PZP: variants seen among roughly 807,000 people sequenced by gnomAD.
PZP encodes pregnancy zone protein.
Under a neutral mutation model 179.8 loss-of-function variants are expected in PZP, and 150 were observed. The observed-to-expected ratio is 0.83, with a 90% CI of 0.73 to 0.96. PZP has a LOEUF of 0.96. PZP is among the 40% of genes least tolerant of loss of function. The pLI is 0.00. For synonymous variants in PZP, 624 were observed against 652.3 expected (o/e 0.96, Z 0.66); for missense variants, 1,689 against 1,764.0 (o/e 0.96, Z 0.76).
At chr12:9,169,017 G>A (rs766385008) in intron 16 of PZP, 43 bp from the exon 17 acceptor site, 30 of 1,395,366 alleles carry the variant, frequency 2.1e-5, no homozygotes, top group Non-Finnish European at 3.1e-5. Context: ...AGCTTGATTA[G>A]AATATATAAA....
chr12:9,185,996 T>C (rs930179227), intron 13 of PZP, among the ~76,000 whole-genome samples: 10 of 151,762 alleles, frequency 6.6e-5, no homozygotes, highest in East Asian at 1.9e-4. Flanking sequence ...TTAGTAGAGA[T>C]GGGGTTTCAC....
intron 21 of PZP, among the ~76,000 whole-genome samples, chr12:9,163,187 C>A (rs1053565311): frequency 6.6e-6 from 1 of 151,078 alleles, no homozygotes; most frequent in Non-Finnish European, 1.5e-5. Context: ...CAAGAAATTG[C>A]GCTCAATGTA....
chr12:9,203,899 C>G lies in PZP; in HGVS notation c.136G>C (p.Gly46Arg). ...TTCAGGTGGCTCAGAAGGACACAGC[C>G]CTTCTTAGGGGCCTCAGTGTGGAGC... ...SLLHTEAPKK[G>R]CVLLSHLNET... Residue 46 changes from glycine (G) to arginine (R), a missense_variant, in exon 2 of 36, where the codon GGC becomes CGC. Gly to Arg is a moderately radical substitution (Grantham distance 125). This residue lies in a region of PZP where 742 missense variants were observed against 730.5 expected (regional missense o/e 1.02). Coordinates refer to ENST00000261336, the MANE Select transcript of PZP (RefSeq NM_002864.3). 1 of 1,614,092 alleles carries G rather than the reference C, an allele frequency of 6.2e-7. No individual in the cohort carries two copies. Among genetic ancestry groups the G allele is most frequent in the South Asian group, 1.1e-5 (1 of 91,078 alleles).
At chr12:9,200,237 T>A in intron 7 of PZP, 127 bp downstream of exon 7, 1 of 540,744 alleles carries the variant, frequency 1.8e-6, no homozygotes, top group South Asian at 3.5e-5. Context: ...AGTCGTTAAA[T>A]AAAGAGAAGT....
downstream of PZP, among the ~76,000 whole-genome samples, chr12:9,144,743 G>T (rs1420336759): frequency 6.6e-6 from 1 of 152,140 alleles, no homozygotes; most frequent in East Asian, 1.9e-4. Flanking sequence ...GAATGTCTCT[G>T]GTCAGAGGGA....
chr12:9,187,830 C>T (rs752699150), intron 13 of PZP, among the ~76,000 whole-genome samples: 6 of 152,320 alleles, frequency 3.9e-5, no homozygotes, highest in South Asian at 2.1e-4. Context: ...ACTTGCTCTT[C>T]GGAACCTGAA....
chr12:9,202,500 C>T (rs1944222809), intron 3 of PZP, 25 bp downstream of exon 3: 4 of 1,613,424 alleles, frequency 2.5e-6, no homozygotes, highest in Non-Finnish European at 3.4e-6. Context: ...AGTGTTGCCC[C>T]AAACAGTGGA....
chr12:9,194,031 T>C, intron 11 of PZP, 46 bp downstream of exon 11: 1 of 1,544,374 alleles, frequency 6.5e-7, no homozygotes, highest in Non-Finnish European at 8.9e-7. Flanking sequence ...ATATCACTGT[T>C]CCTAACATTT....
In PZP at chr12:9,192,591, T is replaced by TGGCCACAGGGCAGGGTACC; in HGVS notation, c.1384_1402dup (p.His468ArgfsTer19). On this transcript the variant is annotated frameshift_variant, in exon 12 of 36. Transcript: ENST00000261336. LOFTEE classifies it high-confidence loss of function. ...ATAGTGTGCCGTGATAGTCTCCGTG[T>TGGCCACAGGGCAGGGTACC]GGCCACAGGGCAGGGTACCAGCCAC... The TGGCCACAGGGCAGGGTACC allele has an allele frequency of 6.2e-7, 1 of 1,614,232 alleles. No individual in the cohort carries two copies. Among genetic ancestry groups the TGGCCACAGGGCAGGGTACC allele is most frequent in the East Asian group, 2.2e-5 (1 of 44,888 alleles).
intron 27 of PZP, 79 bp from the exon 28 acceptor site, chr12:9,157,434 A>G (rs1940844385): frequency 7.5e-7 from 1 of 1,334,430 alleles, no homozygotes; most frequent in East Asian, 2.3e-5. Flanking sequence ...ATTGACAGTC[A>G]GATGTTATTA....
At position 9,196,573 on chromosome 12, in the gene PZP, G is replaced by A; in HGVS notation, c.980C>T (p.Thr327Ile). ...RVEARIREEG[T>I]DLEVTANRIS... ...CCATATTCGTTCATTACTCACACCT[G>A]TCCCCTCTTCTCTGATCCTGGCTTC... The change falls in exon 9 of 36, where the codon ACA becomes ATA. Residue 327 changes from threonine (T) to isoleucine (I), a missense_variant and splice_region_variant. Transcript: ENST00000261336. 6.2e-7 allele frequency: 1 copy of A among 1,600,050 alleles called. No homozygotes were observed. The highest frequency in any genetic ancestry group is 8.6e-7 in the Non-Finnish European group (1 of 1,167,350).
At chr12:9,180,088 G>A (rs1346097269) in intron 15 of PZP, among the ~76,000 whole-genome samples, 2 of 152,090 alleles carry the variant, frequency 1.3e-5, no homozygotes, top group African/African-American at 2.4e-5. Context: ...CAAGTGGTAC[G>A]TATTTTTACT....
intron 28 of PZP, chr12:9,155,803 A>T (rs1427333294): frequency 6.5e-6 from 1 of 153,638 alleles, no homozygotes; most frequent in African/African-American, 2.4e-5. Flanking sequence ...TACTTGTCTA[A>T]GTCCTGGTGT....
rs755232534 is a variant in PZP, at chr12:9,170,778, T to C, written c.1840-1187A>G. ...TGGGACCCTGATCCATTCCTCCTCATCGAGTGGGACCTTTCTGTGGGGGCT... is the reference window on the plus strand; with the variant it reads ...TGGGACCCTGATCCATTCCTCCTCACCGAGTGGGACCTTTCTGTGGGGGCT... On this transcript the variant is annotated intron_variant, in intron 15 of 35. Coordinates refer to ENST00000261336, the MANE Select transcript of PZP (RefSeq NM_002864.3). The surrounding 1 kb of genome is among the most constrained non-coding windows in gnomAD (Gnocchi z 4.6). Among the ~76,000 whole-genome samples the C allele has an allele frequency of 1.3e-5, 2 of 152,284 alleles. No homozygotes were observed. Among genetic ancestry groups the C allele is most frequent in the South Asian group, 4.1e-4 (2 of 4,826 alleles).
Position 9,202,362 on chromosome 12 carries a change from C to A in PZP, c.437G>T (p.Arg146Leu), listed in dbSNP as rs377706010. 2 of 1,614,112 alleles carry A rather than the reference C, an allele frequency of 1.2e-6. No homozygotes were observed. The highest frequency in any genetic ancestry group is 2.2e-5 in the East Asian group (1 of 44,874). ...MYKPGQTVRF[R>L]VVSVDENFRP... ...AAAATTTTCATCCACGGAGACAACA[C>A]GGAATCTTACTGGAAAAGTAGTTCT... is the stretch of plus-strand genomic sequence containing the variant. Residue 146 changes from arginine (R) to leucine (L), a missense_variant, in exon 4 of 36, where the codon CGT (arginine) becomes CTT (leucine). Arg to Leu is a moderately radical substitution (Grantham distance 102). Around this residue, in one of 3 missense-constraint regions of PZP, gnomAD observed 742 missense variants for 730.5 expected, o/e 1.02. Coordinates refer to ENST00000261336, the MANE Select transcript of PZP (RefSeq NM_002864.3).
At chr12:9,208,149 G>A in intron 1 of PZP, 110 bp downstream of exon 1, 2 of 708,428 alleles carry the variant, frequency 2.8e-6, no homozygotes, top group Non-Finnish European at 5.0e-6. Context: ...CTTATATTTG[G>A]AAGGTATTGT....
chr12:9,175,398 G>T (rs957623534), intron 15 of PZP, among the ~76,000 whole-genome samples: 3 of 151,996 alleles, frequency 2.0e-5, no homozygotes, highest in Non-Finnish European at 2.9e-5. Flanking sequence ...GGAGATAGGC[G>T]CAGGCAAAGA....
intron 7 of PZP, 131 bp from the exon 8 acceptor site, chr12:9,197,254 G>C: frequency 1.7e-6 from 1 of 598,010 alleles, no homozygotes. Flanking sequence ...CAAGTAGAAA[G>C]CTGTCTGGAA....
the PZP span, among the ~76,000 whole-genome samples, chr12:9,141,075 A>G: frequency 6.6e-6 from 1 of 152,216 alleles, no homozygotes; most frequent in South Asian, 2.1e-4. Context: ...GGATGACAAA[A>G]AGTTTTATAG....
Sources: allele counts gnomAD v4.1 joint callset (sites outside exome capture counted in the v4.1 genomes callset), GRCh38; gene constraint gnomAD v4.1.1; regional missense constraint gnomAD v4.1.1; non-coding constraint Gnocchi (gnomAD v3.1); transcripts MANE v1.5; gene names NCBI Gene and HGNC (gene_info 2026-07-23, HGNC 2026-07-21).